The following EFR3B variants were observed in gnomAD, a reference collection of about 807,000 sequenced individuals.
EFR3B encodes the protein protein EFR3 homolog B.
Under a neutral mutation model 104.7 loss-of-function variants are expected in EFR3B, and 64 were observed. That is an observed-to-expected ratio of 0.61 (90% CI 0.50 to 0.75). The LOEUF is 0.75. Among genes scored for constraint, EFR3B ranks in the 30% least tolerant of loss-of-function variants. The pLI is 0.00. For missense variants in EFR3B, 750 were observed against 1,078.5 expected (o/e 0.70, Z 4.27); for synonymous variants, 385 against 417.9 (o/e 0.92, Z 0.96).
At chr2:25,128,448 C>T in intron 6 of EFR3B, 116 bp downstream of exon 6, 1 of 1,357,908 alleles carries the variant, frequency 7.4e-7, no homozygotes, top group Non-Finnish European at 1.0e-6. Flanking sequence ...AGGGACATGG[C>T]TTTGTGGCTT....
At chr2:25,051,073 G>C (rs944602928) in intron 1 of EFR3B, among the ~76,000 whole-genome samples, 1 of 152,092 alleles carries the variant, frequency 6.6e-6, no homozygotes, top group Non-Finnish European at 1.5e-5. Flanking sequence ...GCTCATGGAG[G>C]CTCCACCCCC....
At position 25,112,804 on chromosome 2, in the gene EFR3B, G is replaced by A. The variant is rs182697880; in HGVS notation, c.364-8869G>A. Among the ~76,000 whole-genome samples, 140 of 152,328 alleles carry A rather than the reference G, an allele frequency of 9.2e-4. 1 individual carries two copies. In the Middle Eastern group the frequency reaches 0.02, roughly 22 times the overall value. ...AAAAGGCCTTCAGTCCTTGAACTGC[G>A]AGAAAGTTGGGTTTTATGTATGCCC... On this transcript the variant is annotated intron_variant, in intron 4 of 22. Transcript: ENST00000403714.
At chr2:25,103,410 G>A (rs1008976868) in intron 3 of EFR3B, among the ~76,000 whole-genome samples, 1 of 152,222 alleles carries the variant, frequency 6.6e-6, no homozygotes, top group Non-Finnish European at 1.5e-5. Flanking sequence ...GGAGGGGCTG[G>A]ATGAGTTGGT....
At chr2:25,118,873 A>T (rs978713205) in intron 4 of EFR3B, among the ~76,000 whole-genome samples, 6 of 151,948 alleles carry the variant, frequency 3.9e-5, no homozygotes, top group Non-Finnish European at 5.9e-5. Flanking sequence ...ACCCCGTCTC[A>T]ACTAAAAATA....
rs996796285 is a variant in EFR3B at position 25,042,318 on chromosome 2, C to A, written c.6C>A (p.Tyr2Ter). M[Y>*]GVCGCCGALR... is the part of the protein sequence containing the mutation. ...GAGGCGCGCGCCCCGCCGAGATGTA[C>A]GGTAAGGAGGGCTCCGCGCCCGGGC... Residue 2 changes from tyrosine (Y) to a stop codon, truncating the protein, a stop_gained and splice_region_variant, in exon 1 of 23, where the codon TAC (tyrosine) becomes TAA (stop). Transcript: ENST00000403714. LOFTEE classifies it high-confidence loss of function. This position sits in a 1 kb window ranked among gnomAD's most constrained non-coding sequence, Gnocchi z 5.4. 7.8e-7 allele frequency: 1 copy of A among 1,281,222 alleles called. No individual in the cohort carries two copies. Among genetic ancestry groups the A allele is most frequent in the Non-Finnish European group, 9.9e-7 (1 of 1,014,144 alleles). 79.4% of individuals were successfully genotyped at this position (1,281,222 alleles called of 1,614,324 possible). A position where few individuals can be genotyped will look rare whatever the true frequency, so the allele number is the denominator to read the frequency against.
intron 1 of EFR3B, among the ~76,000 whole-genome samples, chr2:25,073,336 G>T (rs1196760047): frequency 6.6e-6 from 1 of 150,460 alleles, no homozygotes; most frequent in Non-Finnish European, 1.5e-5. Context: ...ACAAAACTGT[G>T]TATATTATTT....
chr2:25,089,053 T>C (rs1238485405), intron 1 of EFR3B, among the ~76,000 whole-genome samples: 1 of 152,130 alleles, frequency 6.6e-6, no homozygotes, highest in African/African-American at 2.4e-5. Context: ...CTGGAGGGCC[T>C]GTGGACCAGA....
chr2:25,062,248 A>G (rs1668217882), intron 1 of EFR3B, among the ~76,000 whole-genome samples: 1 of 152,230 alleles, frequency 6.6e-6, no homozygotes, highest in African/African-American at 2.4e-5. Flanking sequence ...GTAAGAATAC[A>G]TGCAAAAACA....
intron 4 of EFR3B, among the ~76,000 whole-genome samples, chr2:25,104,082 TCA>T (rs1669499689): frequency 6.6e-6 from 1 of 152,122 alleles, no homozygotes; most frequent in Non-Finnish European, 1.5e-5. Context: ...GCACAGTGGC[TCA>T]CACTTGTAAT....
intron 5 of EFR3B, among the ~76,000 whole-genome samples, chr2:25,126,635 C>G (rs1052673872): frequency 6.6e-6 from 1 of 152,004 alleles, no homozygotes; most frequent in Non-Finnish European, 1.5e-5. Flanking sequence ...GCTGGGATTA[C>G]AGGCGTGAGT....
intron 1 of EFR3B, among the ~76,000 whole-genome samples, chr2:25,062,688 A>T (rs925368703): frequency 1.3e-5 from 2 of 152,192 alleles, no homozygotes; most frequent in Non-Finnish European, 2.9e-5. Context: ...CTGACCCGGG[A>T]AGTCCATCCC....
intron 1 of EFR3B, among the ~76,000 whole-genome samples, chr2:25,051,977 C>T (rs977401682): frequency 4.6e-5 from 7 of 150,932 alleles, no homozygotes; most frequent in Admixed American, 2.0e-4. Flanking sequence ...GGGTGGATCA[C>T]CTGAGGTCAG....
intron 3 of EFR3B, among the ~76,000 whole-genome samples, chr2:25,100,704 T>A (rs1669408612): frequency 6.6e-6 from 1 of 152,302 alleles, no homozygotes; most frequent in South Asian, 2.1e-4. Context: ...GTGTTAGCCA[T>A]GATGGTCTCA....
chr2:25,152,515 G>A (rs527805781), intron 21 of EFR3B, among the ~76,000 whole-genome samples: 39 of 152,174 alleles, frequency 2.6e-4, no homozygotes, highest in African/African-American at 8.4e-4. Context: ...GATGGTCAAC[G>A]TTGGCAGCAG....
chr2:25,062,812 C>G (rs1352949482), intron 1 of EFR3B, among the ~76,000 whole-genome samples: 1 of 152,242 alleles, frequency 6.6e-6, no homozygotes, highest in South Asian at 2.1e-4. Flanking sequence ...GTTGCTGACT[C>G]TCAGGGGACC....
chr2:25,057,120 A>G (rs1361144525), intron 1 of EFR3B, among the ~76,000 whole-genome samples: 1 of 152,112 alleles, frequency 6.6e-6, no homozygotes, highest in Non-Finnish European at 1.5e-5. Flanking sequence ...CAGGTTCTTT[A>G]TGTAACCTGG....
chr2:25,106,012 C>T (rs933403403), intron 4 of EFR3B, among the ~76,000 whole-genome samples: 2 of 152,354 alleles, frequency 1.3e-5, no homozygotes, highest in East Asian at 1.9e-4. Context: ...CAGAGTGCAG[C>T]TTGGAAGGCA....
chr2:25,089,667 A>C (rs1669058250), intron 1 of EFR3B, among the ~76,000 whole-genome samples: 1 of 152,118 alleles, frequency 6.6e-6, no homozygotes, highest in Non-Finnish European at 1.5e-5. Flanking sequence ...CTGTCCCATC[A>C]CAAGAAATAA....
intron 1 of EFR3B, chr2:25,079,754 T>G (rs1668738057): frequency 3.7e-6 from 2 of 534,702 alleles, no homozygotes; most frequent in Admixed American, 2.4e-5. Context: ...TAAATAGAAT[T>G]AAATGCAAAC....
Sources: allele counts gnomAD v4.1 joint callset (sites outside exome capture counted in the v4.1 genomes callset), GRCh38; gene constraint gnomAD v4.1.1; non-coding constraint Gnocchi (gnomAD v3.1); transcripts MANE v1.5; gene names NCBI Gene and HGNC (gene_info 2026-07-23, HGNC 2026-07-21).